The following ZFPM2 variants were observed in gnomAD, a reference collection of about 807,000 sequenced individuals.
ZFPM2 encodes the protein zinc finger protein, FOG family member 2.
ZFPM2 carries 20 observed loss-of-function variants against 98.6 expected under a neutral mutation model. The ratio of observed to expected loss-of-function variants is 0.20; its 90% CI spans 0.14 to 0.29. ZFPM2 has a LOEUF of 0.29. ZFPM2 is among the 10% of genes least tolerant of loss of function. The probability of loss-of-function intolerance (pLI) is 1.00; values close to 1 mark genes in which losing one functional copy is unlikely to be tolerated. For synonymous variants in ZFPM2, 518 were observed against 502.7 expected (o/e 1.03, Z -0.41); for missense variants, 1,310 against 1,388.6 (o/e 0.94, Z 0.90).
Position 105,802,992 on chromosome 8 carries a change from A to C in ZFPM2, c.2910A>C (p.Gly970=). The change falls in exon 8 of 8, where the codon GGA becomes GGC. Residue 970 remains glycine, a synonymous_variant. Transcript: ENST00000407775. ...HLFLPQCLYP[G]AIKKAKGADQ... ...TTCTTCCACAATGCCTTTACCCTGG[A>C]GCAATAAAGAAAGCAAAAGGAGCCG... 2.5e-6 allele frequency: 4 copies of C among 1,613,028 alleles called. No homozygotes were observed. Among genetic ancestry groups the C allele is most frequent in the Non-Finnish European group, 3.4e-6 (4 of 1,179,466 alleles).
intron 2 of ZFPM2, among the ~76,000 whole-genome samples, chr8:105,435,877 T>G (rs1370740451): frequency 6.6e-6 from 1 of 152,150 alleles, no homozygotes; most frequent in Admixed American, 6.5e-5. Context: ...TATTTTTCAT[T>G]AGTAAAAAGC....
Position 105,382,895 on chromosome 8 carries a change from G to A in ZFPM2, c.41-36249G>A, listed in dbSNP as rs1328650956. Among the ~76,000 whole-genome samples, 3 of 152,180 alleles carry A rather than the reference G, an allele frequency of 2.0e-5. No individual in the cohort carries two copies. In the East Asian group the frequency reaches 5.8e-4, roughly 29 times the overall value. ...TTGAAGCTTTGGTGACGATGATGAC[G>A]AGTGGAACATTAAAGGTGTAGAATA... is the stretch of plus-strand genomic sequence containing the variant. On this transcript the variant is annotated intron_variant, in intron 1 of 7. Transcript: ENST00000407775.
chr8:105,654,488 A>G (rs533349157), intron 5 of ZFPM2, among the ~76,000 whole-genome samples: 5 of 152,142 alleles, frequency 3.3e-5, no homozygotes, highest in Non-Finnish European at 7.4e-5. Context: ...ATACACATCC[A>G]GTTCTTGGAT....
intron 5 of ZFPM2, chr8:105,787,440 T>C (rs959429514): frequency 1.3e-5 from 2 of 152,230 alleles, no homozygotes; most frequent in African/African-American, 2.4e-5. Flanking sequence ...TGGTGTTTTG[T>C]TTCCTTACCT....
At chr8:105,621,632 T>C (rs1432916572) in intron 4 of ZFPM2, among the ~76,000 whole-genome samples, 1 of 152,202 alleles carries the variant, frequency 6.6e-6, no homozygotes, top group Non-Finnish European at 1.5e-5. Flanking sequence ...AATCATAAAC[T>C]TAAAATATAA....
chr8:105,712,642 C>T (rs1563532503), intron 5 of ZFPM2, among the ~76,000 whole-genome samples: 1 of 151,896 alleles, frequency 6.6e-6, no homozygotes, highest in Non-Finnish European at 1.5e-5. Flanking sequence ...GAGGTTTGGG[C>T]TTCTACTGAT....
chr8:105,538,707 T>C (rs73306217), intron 3 of ZFPM2, among the ~76,000 whole-genome samples: 2,226 of 152,104 alleles, frequency 0.015, 48 homozygotes, highest in African/African-American at 0.048. Flanking sequence ...TAGCTTCATT[T>C]TGAATTAAAA....
chr8:105,626,080 T>C (rs17218607), intron 4 of ZFPM2, among the ~76,000 whole-genome samples: 16,763 of 152,006 alleles, frequency 0.11, 1,110 homozygotes, highest in South Asian at 0.21. Flanking sequence ...TTTCACTCGG[T>C]TTAACTTTCA....
At chr8:105,518,616 G>T (rs1348931553) in intron 3 of ZFPM2, among the ~76,000 whole-genome samples, 1 of 152,176 alleles carries the variant, frequency 6.6e-6, no homozygotes, top group Non-Finnish European at 1.5e-5. Flanking sequence ...AAGAAAAATA[G>T]GAGGAGTTGG....
At chr8:105,687,289 G>A (rs1810762479) in intron 5 of ZFPM2, among the ~76,000 whole-genome samples, 1 of 151,960 alleles carries the variant, frequency 6.6e-6, no homozygotes, top group Non-Finnish European at 1.5e-5. Flanking sequence ...TACATATTGG[G>A]GTCCATTTTT....
At chr8:105,365,860 AG>A (rs1810495220) in intron 1 of ZFPM2, among the ~76,000 whole-genome samples, 1 of 152,152 alleles carries the variant, frequency 6.6e-6, no homozygotes, top group Admixed American at 6.6e-5. Flanking sequence ...GCACTTTTCT[AG>A]GGAACAACTT....
intron 3 of ZFPM2, among the ~76,000 whole-genome samples, chr8:105,536,489 T>C (rs1814455702): frequency 6.6e-6 from 1 of 152,094 alleles, no homozygotes; most frequent in Non-Finnish European, 1.5e-5. Context: ...CAGAGGCCGT[T>C]TCATAATGCT....
intron 1 of ZFPM2, among the ~76,000 whole-genome samples, chr8:105,348,887 C>T (rs1387291393): frequency 1.3e-5 from 2 of 152,090 alleles, no homozygotes; most frequent in Admixed American, 6.5e-5. Flanking sequence ...CAGCACACAC[C>T]GTACTCGACT....
chr8:105,696,493 T>G (rs765211508), intron 5 of ZFPM2, among the ~76,000 whole-genome samples: 39 of 152,336 alleles, frequency 2.6e-4, no homozygotes, highest in South Asian at 1.0e-3. Flanking sequence ...TGAGCACTCA[T>G]GTATAGGCTC....
rs552800948 is a variant in ZFPM2, at chr8:105,649,793, T to C, written c.532+15436T>C. Among the ~76,000 whole-genome samples, 13 of 152,294 alleles carry C rather than the reference T, an allele frequency of 8.5e-5. No individual in the cohort carries two copies. In the South Asian group the frequency reaches 2.5e-3, roughly 29 times the overall value. Reference sequence around the variant, plus strand: ...CTGGATTCAGTTTGCCAGTATTTTATTGAGGATTTTTGCATCAATGTTCAT... The same window carrying C: ...CTGGATTCAGTTTGCCAGTATTTTACTGAGGATTTTTGCATCAATGTTCAT... On this transcript the variant is annotated intron_variant, in intron 5 of 7. Transcript: ENST00000407775.
At chr8:105,439,435 C>T (rs1030583039) in intron 2 of ZFPM2, among the ~76,000 whole-genome samples, 1 of 152,170 alleles carries the variant, frequency 6.6e-6, no homozygotes, top group Admixed American at 6.5e-5. Flanking sequence ...CTTGTACAAA[C>T]TGCTGTTTTT....
chr8:105,780,901 C>G (rs774755537), intron 5 of ZFPM2, among the ~76,000 whole-genome samples: 4 of 152,206 alleles, frequency 2.6e-5, no homozygotes, highest in Non-Finnish European at 5.9e-5. Flanking sequence ...AAGCTATTTT[C>G]AAGTGTCATT....
At chr8:105,673,742 T>G (rs1420586416) in intron 5 of ZFPM2, among the ~76,000 whole-genome samples, 1 of 152,220 alleles carries the variant, frequency 6.6e-6, no homozygotes, top group Admixed American at 6.5e-5. Flanking sequence ...GGATGAGAGA[T>G]AGAATTCCCT....
chr8:105,606,404 C>T (rs1245645445), intron 4 of ZFPM2, among the ~76,000 whole-genome samples: 7 of 151,804 alleles, frequency 4.6e-5, no homozygotes. Context: ...ATGGAGAGCT[C>T]GGGCACTGGA....
Sources: allele counts gnomAD v4.1 joint callset (sites outside exome capture counted in the v4.1 genomes callset), GRCh38; gene constraint gnomAD v4.1.1; transcripts MANE v1.5; gene names NCBI Gene and HGNC (gene_info 2026-07-23, HGNC 2026-07-21).